GPR132: variants seen among roughly 807,000 people sequenced by gnomAD.
The protein encoded by GPR132 is G protein-coupled receptor 132.
GPR132 carries 4 observed loss-of-function variants against 1.9 expected under a neutral mutation model. That is an observed-to-expected ratio of 2.13 (90% CI 1.05 to 4.87). The LOEUF is 4.87. Ranked by LOEUF, GPR132 falls within the 30% of genes most tolerant of loss-of-function variation. The pLI, the probability that GPR132 is intolerant of heterozygous loss-of-function variation, is 0.01. For synonymous variants in GPR132, 233 were observed against 234.2 expected, an observed-to-expected ratio of 0.99 and a Z score of 0.05; for missense variants, 404 against 512.5, an observed-to-expected ratio of 0.79 and a Z score of 2.04.
chr14:105,062,482 TC>T (rs374897695), intron 1 of GPR132, among the ~76,000 whole-genome samples: 142 of 152,228 alleles, frequency 9.3e-4, no homozygotes, highest in African/African-American at 3.3e-3. Flanking sequence ...GTTTTCTCTT[TC>T]TTTTTTTCTT....
rs886195588 is a variant in GPR132, at chr14:105,060,576, C to T, written c.-860-3296G>A. Among the ~76,000 whole-genome samples, 1 of 152,220 alleles carries T rather than the reference C, an allele frequency of 6.6e-6. No homozygotes were observed. Among genetic ancestry groups the T allele is most frequent in the Non-Finnish European group, 1.5e-5 (1 of 68,030 alleles). On this transcript the variant is annotated intron_variant, in intron 1 of 3. Transcript: ENST00000329797. The surrounding 1 kb of genome is among the most constrained non-coding windows in gnomAD (Gnocchi z 6.3). ...CCCACCTTTCAAATTCTGAATAACA[C>T]GAGGCAGGGACCTCTCCTGTCAAAT...
intron 1 of GPR132, chr14:105,058,015 T>C (rs1297513348): frequency 6.6e-6 from 1 of 152,212 alleles, no homozygotes; most frequent in Non-Finnish European, 1.5e-5. Context: ...TTGTCAATTA[T>C]ACCTTTATAA....
In GPR132 at chr14:105,050,317, G is replaced by A. The variant is rs1165439711; in HGVS notation, c.*677C>T. On this transcript the variant is annotated 3_prime_UTR_variant, in exon 4 of 4. Transcript: ENST00000329797. This position sits in a 1 kb window ranked among gnomAD's most constrained non-coding sequence, Gnocchi z 4.0. ...CCTCTGCTGTGGCTGTGTCACACCT[G>A]TCCTGCCAACTGTTGTTCTGGGCGT... The A allele has an allele frequency of 6.5e-6, 1 of 152,990 alleles. No individual in the cohort carries two copies. The highest frequency in any genetic ancestry group is 1.5e-5 in the Non-Finnish European group (1 of 68,670). The allele number at this position is 152,990 out of a possible 1,614,324, so 9.5% of individuals were successfully genotyped here.
intron 3 of GPR132, among the ~76,000 whole-genome samples, chr14:105,053,219 G>C (rs1037076668): frequency 1.8e-4 from 26 of 143,370 alleles, no homozygotes; most frequent in African/African-American, 6.5e-4. Context: ...GGAGTGCAGT[G>C]GCACGATCTC....
intron 1 of GPR132, among the ~76,000 whole-genome samples, chr14:105,063,294 T>C (rs1036008832): frequency 8.6e-5 from 13 of 152,008 alleles, no homozygotes; most frequent in Admixed American, 4.6e-4. Context: ...GGATCTAGCA[T>C]GACCTCACCC....
intron 3 of GPR132, among the ~76,000 whole-genome samples, chr14:105,053,266 T>G (rs1886702537): frequency 6.6e-6 from 1 of 150,586 alleles, no homozygotes; most frequent in Non-Finnish European, 1.5e-5. Flanking sequence ...ATTCAAGGGA[T>G]TCTCCTGCCT....
rs1256299542 is a variant in GPR132, at chr14:105,051,744, G to T, written c.393C>A (p.Leu131=). 1 of 1,614,206 alleles carries T rather than the reference G, an allele frequency of 6.2e-7. No homozygotes were observed. The highest frequency in any genetic ancestry group is 8.5e-7 in the Non-Finnish European group (1 of 1,180,056). ...GGTCGCAGGAGATGCAGCACAGGAA[G>T]AGGATGCTGACGTAGATGTTGCAGA... The part of the protein sequence containing the change: ...IFFCNIYVSI[L]FLCCISCDRF... Residue 131 remains leucine, a synonymous_variant, in exon 4 of 4, where the codon CTC becomes CTA. Coordinates refer to ENST00000329797, the MANE Select transcript of GPR132 (RefSeq NM_013345.4). The surrounding 1 kb of genome is among the most constrained non-coding windows in gnomAD (Gnocchi z 8.0).
At chr14:105,062,003 G>A (rs1373343104) in intron 1 of GPR132, among the ~76,000 whole-genome samples, 3 of 152,240 alleles carry the variant, frequency 2.0e-5, no homozygotes, top group East Asian at 3.8e-4. Flanking sequence ...GACTCCAGGG[G>A]ACTCTGTTCT....
Position 105,051,401 on chromosome 14 carries a change from C to T in GPR132, c.736G>A (p.Ala246Thr), listed in dbSNP as rs1166980456. The T allele has an allele frequency of 1.2e-6, 2 of 1,614,130 alleles. No individual in the cohort carries two copies. Among genetic ancestry groups the T allele is most frequent in the Non-Finnish European group, 1.7e-6 (2 of 1,180,024 alleles). The change falls in exon 4 of 4, where the codon GCG becomes ACG. Residue 246 changes from alanine (A) to threonine (T), a missense_variant. Physicochemically the swap from Ala to Thr is moderately conservative, Grantham distance 58. Transcript: ENST00000329797. This position sits in a 1 kb window ranked among gnomAD's most constrained non-coding sequence, Gnocchi z 8.0. ...QKAKVKHSAI[A>T]VVVIFLVCFA... ...CAGACTAGGAAGATGACAACCACCG[C>T]GATGGCCGAGTGCTTCACCTTGGCC...
At chr14:105,062,229 G>A (rs1886962785) in intron 1 of GPR132, among the ~76,000 whole-genome samples, 1 of 152,194 alleles carries the variant, frequency 6.6e-6, no homozygotes, top group Admixed American at 6.5e-5. Flanking sequence ...TGCTGGCCCT[G>A]GGCCCCTGCC....
In GPR132 at chr14:105,057,191, C is replaced by T. The variant is rs1478983327; in HGVS notation, c.-771G>A. On this transcript the variant is annotated 5_prime_UTR_variant, in exon 2 of 4. Coordinates refer to ENST00000329797, the MANE Select transcript of GPR132 (RefSeq NM_013345.4). ...CCTGGCATATTTTGCGGGTTCCAATCTCAGTGTGGCTCTAAGATAAGCTTT... is the reference window on the plus strand; with the variant it reads ...CCTGGCATATTTTGCGGGTTCCAATTTCAGTGTGGCTCTAAGATAAGCTTT... 1 of 1,525,780 alleles carries T rather than the reference C, an allele frequency of 6.6e-7. No individual in the cohort carries two copies. The highest frequency in any genetic ancestry group is 2.4e-5 in the East Asian group (1 of 40,874). The allele number at this position is 1,525,780 out of a possible 1,614,324, so 94.5% of individuals were successfully genotyped here. A position where few individuals can be genotyped will look rare whatever the true frequency, so the allele number is the denominator to read the frequency against.
intron 1 of GPR132, among the ~76,000 whole-genome samples, chr14:105,062,540 C>CTTTTTTTTTTTTT (rs59869492): frequency 1.6e-5 from 2 of 128,684 alleles, no homozygotes; most frequent in African/African-American, 5.9e-5. Flanking sequence ...CTTTTCTTTT[C>CTTTTTTTTTTTTT]TTTTTTTTTT....
At chr14:105,065,164 C>T (rs1213978014) in intron 1 of GPR132, among the ~76,000 whole-genome samples, 1 of 152,208 alleles carries the variant, frequency 6.6e-6, no homozygotes. Context: ...TCCCCCAAAT[C>T]CTCCGGCCCC....
At position 105,065,363 on chromosome 14, in the gene GPR132, G is replaced by A. The variant is rs1566738570; in HGVS notation, c.-861+16C>T. ...CCCCAGGCCCACTCCCCAGCACGCA[G>A]AGCCCAGCGACTTACCCAGGGCCCC... On this transcript the variant is annotated intron_variant, in intron 1 of 3. Coordinates refer to ENST00000329797, the MANE Select transcript of GPR132 (RefSeq NM_013345.4). 1 of 152,166 alleles carries A rather than the reference G, an allele frequency of 6.6e-6. No individual in the cohort carries two copies. Among genetic ancestry groups the A allele is most frequent in the Non-Finnish European group, 1.5e-5 (1 of 68,112 alleles). 9.4% of individuals were successfully genotyped at this position (152,166 alleles called of 1,614,324 possible). A position where few individuals can be genotyped will look rare whatever the true frequency, so the allele number is the denominator to read the frequency against.
chr14:105,056,093 C>G lies in GPR132; in HGVS notation c.-673G>C, dbSNP rs1259682673. 1.0e-6 allele frequency: 1 copy of G among 977,176 alleles called. No individual in the cohort carries two copies. The highest frequency in any genetic ancestry group is 1.8e-5 in the African/African-American group (1 of 57,086). 60.5% of individuals were successfully genotyped at this position (977,176 alleles called of 1,614,324 possible). A position where few individuals can be genotyped will look rare whatever the true frequency, so the allele number is the denominator to read the frequency against. On this transcript the variant is annotated 5_prime_UTR_variant, in exon 3 of 4. Transcript: ENST00000329797. The surrounding 1 kb of genome is among the most constrained non-coding windows in gnomAD (Gnocchi z 6.0). ...CTTCCCCCGGCGGTGTGCAGGGCTC[C>G]GGTCTCCCCACAGCCTCGCTGCGCT... is the stretch of plus-strand genomic sequence containing the variant.
intron 1 of GPR132, among the ~76,000 whole-genome samples, chr14:105,063,980 C>G (rs1302513406): frequency 6.6e-6 from 1 of 152,088 alleles, no homozygotes; most frequent in Non-Finnish European, 1.5e-5. Context: ...AATGGGATTA[C>G]AGGCGTGTGC....
At chr14:105,052,698 T>C (rs1462987946) in intron 3 of GPR132, among the ~76,000 whole-genome samples, 1 of 151,262 alleles carries the variant, frequency 6.6e-6, no homozygotes, top group Non-Finnish European at 1.5e-5. Flanking sequence ...GGCTCACACC[T>C]GTAATCCCAG....
chr14:105,054,593 T>C (rs1886738569), intron 3 of GPR132, among the ~76,000 whole-genome samples: 1 of 150,604 alleles, frequency 6.6e-6, no homozygotes, highest in African/African-American at 2.4e-5. Flanking sequence ...ACCACGCCCA[T>C]CTAATTTTTG....
At chr14:105,061,928 C>A (rs1020525158) in intron 1 of GPR132, among the ~76,000 whole-genome samples, 1 of 152,220 alleles carries the variant, frequency 6.6e-6, no homozygotes, top group African/African-American at 2.4e-5. Flanking sequence ...CCCAGCCTGC[C>A]GGAGGCTTGG....
Sources: allele counts gnomAD v4.1 joint callset (sites outside exome capture counted in the v4.1 genomes callset), GRCh38; gene constraint gnomAD v4.1.1; non-coding constraint Gnocchi (gnomAD v3.1); transcripts MANE v1.5; gene names NCBI Gene and HGNC (gene_info 2026-07-23, HGNC 2026-07-21).